GNG7: variants seen among roughly 807,000 people sequenced by gnomAD.
GNG7 encodes guanine nucleotide-binding protein G(I)/G(S)/G(O) subunit gamma-7.
GNG7 carries 1 observed loss-of-function variant against 4.0 expected under a neutral mutation model. That is an observed-to-expected ratio of 0.25 (90% CI 0.09 to 1.18). The LOEUF (loss-of-function observed/expected upper bound fraction) is 1.18. Among genes scored for constraint, GNG7 ranks in the 50% most tolerant of loss-of-function variants. The pLI is 0.50. For synonymous variants in GNG7, 34 were observed against 36.9 expected, an observed-to-expected ratio of 0.92 and a Z score of 0.29; for missense variants, 86 against 91.9, an observed-to-expected ratio of 0.94 and a Z score of 0.26.
intron 3 of GNG7, among the ~76,000 whole-genome samples, chr19:2,541,491 T>C (rs1599381006): frequency 1.3e-5 from 2 of 150,984 alleles, no homozygotes; most frequent in South Asian, 2.1e-4. Flanking sequence ...TCCCAGCAGG[T>C]TGGGAGGCCG....
chr19:2,550,527 C>A lies in GNG7; in HGVS notation c.-38+4622G>T, dbSNP rs546879855. Among the ~76,000 whole-genome samples the A allele has an allele frequency of 1.1e-4, 17 of 152,288 alleles. No individual in the cohort carries two copies. In the South Asian group the frequency reaches 3.5e-3, roughly 32 times the overall value. ...ACAGGCAGGAGCCACCGCTCCCGGCCACCTCTGCTCACCTCCTCACCAAGC... is the reference window on the plus strand; with the variant it reads ...ACAGGCAGGAGCCACCGCTCCCGGCAACCTCTGCTCACCTCCTCACCAAGC... On this transcript the variant is annotated intron_variant, in intron 3 of 4. Transcript: ENST00000382159.
intron 2 of GNG7, among the ~76,000 whole-genome samples, chr19:2,582,330 TCA>T (rs1301899725): frequency 6.6e-6 from 1 of 152,168 alleles, no homozygotes; most frequent in Non-Finnish European, 1.5e-5. Flanking sequence ...CTTCTATAAT[TCA>T]CATATTATCT....
At chr19:2,698,285 C>T (rs1471691085) in intron 1 of GNG7, among the ~76,000 whole-genome samples, 3 of 150,598 alleles carry the variant, frequency 2.0e-5, no homozygotes, top group Non-Finnish European at 3.0e-5. Context: ...AAGGACAGGC[C>T]GGGCGCGGTG....
chr19:2,579,052 C>T (rs576328524), intron 2 of GNG7, among the ~76,000 whole-genome samples: 8 of 152,236 alleles, frequency 5.3e-5, no homozygotes, highest in Admixed American at 1.3e-4. Flanking sequence ...GAAAAAACAT[C>T]CCAAGAATGC....
chr19:2,613,526 C>T (rs1302486582), intron 2 of GNG7, among the ~76,000 whole-genome samples: 3 of 152,314 alleles, frequency 2.0e-5, no homozygotes, highest in Non-Finnish European at 2.9e-5. Context: ...TCTCTCCCTC[C>T]CCACTCAGGG....
rs1221752182 is a variant in GNG7 at position 2,633,483 on chromosome 19, GCGCGCACACACA to G, written c.-78+12729_-78+12740del. On this transcript the variant is annotated intron_variant, in intron 2 of 4. Transcript: ENST00000382159. This position sits in a 1 kb window ranked among gnomAD's most constrained non-coding sequence, Gnocchi z 5.9. ...TGCTTAGCAACAGGCGCGCGCGCGC[GCGCGCACACACA>G]CACACACACACACACACACACACAC... Among the ~76,000 whole-genome samples the G allele has an allele frequency of 1.0e-3, 80 of 80,384 alleles. No individual in the cohort carries two copies. In the East Asian group the frequency reaches 0.023, roughly 23 times the overall value. 52.7% of individuals were successfully genotyped at this position (80,384 alleles called of 152,430 possible).
chr19:2,641,271 A>G (rs1261095348), intron 2 of GNG7, among the ~76,000 whole-genome samples: 1 of 152,122 alleles, frequency 6.6e-6, no homozygotes, highest in Non-Finnish European at 1.5e-5. Flanking sequence ...TCCCCATGTC[A>G]GCAGAAGGAA....
At chr19:2,623,672 G>A (rs987985829) in intron 2 of GNG7, among the ~76,000 whole-genome samples, 1 of 152,254 alleles carries the variant, frequency 6.6e-6, no homozygotes, top group African/African-American at 2.4e-5. Context: ...CTTGAGGTCA[G>A]GAGTTGGAGA....
At chr19:2,568,258 C>T (rs563522278) in intron 2 of GNG7, among the ~76,000 whole-genome samples, 2 of 150,596 alleles carry the variant, frequency 1.3e-5, no homozygotes, top group East Asian at 3.9e-4. Flanking sequence ...TAGACATACA[C>T]ACATATAGAG....
At chr19:2,687,526 G>A (rs1451285600) in intron 1 of GNG7, among the ~76,000 whole-genome samples, 1 of 152,092 alleles carries the variant, frequency 6.6e-6, no homozygotes, top group Non-Finnish European at 1.5e-5. Flanking sequence ...TGAGGTAGGA[G>A]AATCGCTTGA....
At chr19:2,542,829 A>T (rs1004960212) in intron 3 of GNG7, among the ~76,000 whole-genome samples, 3 of 146,976 alleles carry the variant, frequency 2.0e-5, no homozygotes, top group African/African-American at 5.0e-5. Flanking sequence ...TGCTGCTGCT[A>T]GGTGTTAGAC....
intron 1 of GNG7, among the ~76,000 whole-genome samples, chr19:2,694,733 G>A (rs1913205722): frequency 6.6e-6 from 1 of 151,578 alleles, no homozygotes; most frequent in East Asian, 2.0e-4. Context: ...GGGACGCGGA[G>A]TCTCTTGGAG....
intron 2 of GNG7, among the ~76,000 whole-genome samples, chr19:2,561,220 A>T (rs149440520): frequency 6.6e-6 from 1 of 152,032 alleles, no homozygotes; most frequent in Non-Finnish European, 1.5e-5. Flanking sequence ...GGGCTCAACC[A>T]GGATGATTCT....
chr19:2,513,625 G>T lies in GNG7; in HGVS notation c.*1397C>A. On this transcript the variant is annotated 3_prime_UTR_variant, in exon 5 of 5. Transcript: ENST00000382159. ...GACAGCCGTCCTGGGTTGCACGGGG[G>T]TGGAAAAGCAAAAAGATCGGGTTCG... 1.0e-6 allele frequency: 1 copy of T among 972,364 alleles called. No homozygotes were observed. The highest frequency in any genetic ancestry group is 4.8e-5 in the South Asian group (1 of 21,006). The allele number at this position is 972,364 out of a possible 1,614,324, so 60.2% of individuals were successfully genotyped here.
intron 1 of GNG7, among the ~76,000 whole-genome samples, chr19:2,668,163 G>T (rs1983357787): frequency 6.6e-6 from 1 of 151,494 alleles, no homozygotes; most frequent in Admixed American, 6.6e-5. Flanking sequence ...GAAACTGTCT[G>T]CACTGCATTC....
intron 2 of GNG7, among the ~76,000 whole-genome samples, chr19:2,619,965 G>T (rs570200065): frequency 6.6e-5 from 10 of 151,740 alleles, no homozygotes; most frequent in African/African-American, 1.9e-4. Flanking sequence ...AGGACGAGGG[G>T]GGGGCGCGGA....
intron 2 of GNG7, among the ~76,000 whole-genome samples, chr19:2,622,832 C>T (rs1172173140): frequency 1.3e-5 from 2 of 152,178 alleles, no homozygotes; most frequent in African/African-American, 4.8e-5. Flanking sequence ...AGGGGGCTTC[C>T]GGGAAAGGGA....
chr19:2,588,606 T>C (rs1289908028), intron 2 of GNG7, among the ~76,000 whole-genome samples: 1 of 152,126 alleles, frequency 6.6e-6, no homozygotes, highest in Admixed American at 6.5e-5. Flanking sequence ...TTCTTAGCCA[T>C]CCTCCTCTGA....
chr19:2,541,030 G>A (rs909743048), intron 3 of GNG7, among the ~76,000 whole-genome samples: 4 of 152,258 alleles, frequency 2.6e-5, no homozygotes, highest in East Asian at 1.9e-4. Flanking sequence ...AAAAGGACAG[G>A]AATGTCAAGA....
Sources: allele counts gnomAD v4.1 joint callset (sites outside exome capture counted in the v4.1 genomes callset), GRCh38; gene constraint gnomAD v4.1.1; non-coding constraint Gnocchi (gnomAD v3.1); transcripts MANE v1.5; gene names NCBI Gene and HGNC (gene_info 2026-07-23, HGNC 2026-07-21).